The following TMC7 variants were observed in gnomAD, a reference collection of about 807,000 sequenced individuals.
TMC7 encodes transmembrane channel like 7.
TMC7 carries 54 observed loss-of-function variants against 82.9 expected under a neutral mutation model. The ratio of observed to expected loss-of-function variants is 0.65; its 90% CI spans 0.52 to 0.82. The LOEUF is 0.82. TMC7 is among the 40% of genes least tolerant of loss of function. The probability of loss-of-function intolerance (pLI) is 0.00; values close to 1 mark genes in which losing one functional copy is unlikely to be tolerated. For missense variants in TMC7, 820 were observed against 901.2 expected (o/e 0.91, Z 1.15); for synonymous variants, 350 against 337.9 (o/e 1.04, Z -0.39).
chr16:19,007,447 A>T (rs544815002), intron 1 of TMC7, among the ~76,000 whole-genome samples: 12 of 152,134 alleles, frequency 7.9e-5, no homozygotes, highest in Non-Finnish European at 1.8e-4. Context: ...GAAACCGCCC[A>T]CCAGGTTCTT....
At chr16:19,026,301 C>G (rs55917842) in intron 5 of TMC7, among the ~76,000 whole-genome samples, 2 of 151,536 alleles carry the variant, frequency 1.3e-5, no homozygotes, top group African/African-American at 4.8e-5. Context: ...ACAGTGAAAC[C>G]CTGTCTCTAC....
intron 6 of TMC7, among the ~76,000 whole-genome samples, chr16:19,035,175 C>T (rs368867731): frequency 9.2e-5 from 14 of 152,162 alleles, no homozygotes; most frequent in Non-Finnish European, 1.6e-4. Context: ...AATGCAGGAA[C>T]AGAAAACCAA....
chr16:19,046,013 C>T (rs1418513424), intron 11 of TMC7, among the ~76,000 whole-genome samples: 1 of 152,178 alleles, frequency 6.6e-6, no homozygotes, highest in African/African-American at 2.4e-5. Context: ...CAGGTTTGAA[C>T]CATTGTGTCT....
rs1434323438 is a variant in TMC7, at chr16:19,016,612, A to C, written c.460+14A>C. 1 of 1,611,404 alleles carries C rather than the reference A, an allele frequency of 6.2e-7. No homozygotes were observed. The highest frequency in any genetic ancestry group is 1.3e-5 in the African/African-American group (1 of 74,816). ...GCAGCATAGAAGGTATGCTGTCCTC[A>C]CCTCTCTGCAGGCTCCTCCGCAGAA... On this transcript the variant is annotated intron_variant, in intron 3 of 15. Coordinates refer to ENST00000304381, the MANE Select transcript of TMC7 (RefSeq NM_024847.4).
intron 2 of TMC7, among the ~76,000 whole-genome samples, chr16:19,011,629 A>G (rs1959353744): frequency 6.6e-6 from 1 of 152,142 alleles, no homozygotes; most frequent in Non-Finnish European, 1.5e-5. Context: ...AGGTAGGTGT[A>G]TCACTCAAGC....
At chr16:18,991,413 T>C (rs2038948858) in intron 1 of TMC7, among the ~76,000 whole-genome samples, 1 of 152,032 alleles carries the variant, frequency 6.6e-6, no homozygotes, top group Non-Finnish European at 1.5e-5. Flanking sequence ...TATCCTTGAG[T>C]TTTTTTATGT....
At chr16:19,037,566 G>C (rs1017309347) in intron 7 of TMC7, among the ~76,000 whole-genome samples, 4 of 151,292 alleles carry the variant, frequency 2.6e-5, no homozygotes, top group African/African-American at 7.3e-5. Flanking sequence ...GAACTCCCGG[G>C]CTCAAGCAAT....
At chr16:19,044,119 C>A (rs533540159) in intron 9 of TMC7, among the ~76,000 whole-genome samples, 36 of 152,258 alleles carry the variant, frequency 2.4e-4, no homozygotes, top group African/African-American at 8.7e-4. Flanking sequence ...CCCTCTGCCT[C>A]GGCCTCCCAA....
chr16:19,040,558 A>T, intron 9 of TMC7, 112 bp downstream of exon 9: 1 of 963,238 alleles, frequency 1.0e-6, no homozygotes, highest in Non-Finnish European at 1.6e-6. Context: ...TGCTGAGCCA[A>T]GAGTCCTCCT....
chr16:19,051,558 A>G (rs1961542539), intron 12 of TMC7, 128 bp from the exon 13 acceptor site: 1 of 1,066,168 alleles, frequency 9.4e-7, no homozygotes, highest in Non-Finnish European at 1.3e-6. Flanking sequence ...TTTGATCTGT[A>G]TTGCTGGACT....
At chr16:19,016,334 C>G (rs1226803429) in intron 2 of TMC7, 116 bp from the exon 3 acceptor site, 2 of 1,281,202 alleles carry the variant, frequency 1.6e-6, no homozygotes, top group East Asian at 5.0e-5. Flanking sequence ...AGGTGATCCA[C>G]CTGCCTCGGC....
chr16:18,985,192 G>A (rs552450200), intron 1 of TMC7, among the ~76,000 whole-genome samples: 2 of 151,778 alleles, frequency 1.3e-5, no homozygotes, highest in Admixed American at 6.6e-5. Flanking sequence ...CCGGGAGGCG[G>A]AGGTTGCAGT....
chr16:18,996,268 TG>T (rs918558677), intron 1 of TMC7, among the ~76,000 whole-genome samples: 13 of 151,996 alleles, frequency 8.6e-5, no homozygotes, highest in African/African-American at 3.1e-4. Flanking sequence ...ACTCAGAGCT[TG>T]GGGTGGTGAC....
intron 1 of TMC7, among the ~76,000 whole-genome samples, chr16:19,002,766 T>C (rs2142151930): frequency 6.6e-6 from 1 of 152,242 alleles, no homozygotes; most frequent in African/African-American, 2.4e-5. Flanking sequence ...CACCCCAATA[T>C]CTGAAATATG....
chr16:19,018,061 C>T (rs1407407815), intron 3 of TMC7, among the ~76,000 whole-genome samples: 1 of 152,114 alleles, frequency 6.6e-6, no homozygotes. Flanking sequence ...TCACCTGAGC[C>T]CAGGAGTTTG....
At chr16:19,052,392 TCACTATGTTGCC>T (rs1335756976) in intron 13 of TMC7, among the ~76,000 whole-genome samples, 1 of 152,192 alleles carries the variant, frequency 6.6e-6, no homozygotes, top group Non-Finnish European at 1.5e-5. Flanking sequence ...AGACAAGGGC[TCACTATGTTGCC>T]CAGGCTGATC....
At chr16:19,018,063 A>G (rs1959789512) in intron 3 of TMC7, among the ~76,000 whole-genome samples, 1 of 152,210 alleles carries the variant, frequency 6.6e-6, no homozygotes, top group Non-Finnish European at 1.5e-5. Flanking sequence ...ACCTGAGCCC[A>G]GGAGTTTGAG....
intron 3 of TMC7, 61 bp downstream of exon 3, chr16:19,016,659 A>T: frequency 6.4e-7 from 1 of 1,560,522 alleles, no homozygotes; most frequent in Non-Finnish European, 8.7e-7. Context: ...GGGAGCAAGT[A>T]CAGCTTCGTT....
intron 11 of TMC7, among the ~76,000 whole-genome samples, chr16:19,045,764 T>G (rs1458229543): frequency 2.0e-5 from 3 of 151,544 alleles, no homozygotes; most frequent in Non-Finnish European, 4.4e-5. Flanking sequence ...GCCTGGCTAA[T>G]TTTTTGTATT....
Sources: gnomAD v4.1 joint callset for allele counts (sites outside exome capture counted in the v4.1 genomes callset) on GRCh38, gnomAD v4.1.1 for gene constraint, MANE v1.5 for transcripts, NCBI Gene and HGNC (gene_info 2026-07-23, HGNC 2026-07-21) for gene names.